The following JAK2 variants were observed in gnomAD, a reference collection of about 807,000 sequenced individuals.
JAK2 encodes Janus kinase 2, also known as tyrosine-protein kinase JAK2.
A neutral mutation model predicts 139.3 loss-of-function variants in JAK2; 86 were observed. The observed-to-expected ratio is 0.62, with a 90% CI of 0.52 to 0.74. The LOEUF is 0.74. Among genes scored for constraint, JAK2 ranks in the 30% least tolerant of loss-of-function variants. The pLI is 0.00. For synonymous variants in JAK2, 490 were observed against 437.7 expected (o/e 1.12, Z -1.49); for missense variants, 1,421 against 1,360.3 (o/e 1.04, Z -0.70).
At chr9:5,030,088 G>A (rs950121677) in intron 4 of JAK2, among the ~76,000 whole-genome samples, 182 bp downstream of exon 4, 6 of 152,122 alleles carry the variant, frequency 3.9e-5, no homozygotes, top group African/African-American at 1.2e-4. Context: ...TATACATGTT[G>A]TGTAAGTAGA....
chr9:5,069,908 G>A lies in JAK2; in HGVS notation c.1514-17G>A, dbSNP rs372305906. On this transcript the variant is annotated splice_polypyrimidine_tract_variant and intron_variant, in intron 11 of 24. Coordinates refer to ENST00000381652, the MANE Select transcript of JAK2 (RefSeq NM_004972.4). ...CAGTGTATTTTGAAGTGATATATATGTATTTTATTTTTTCAGATAAATCAA... is the reference window on the plus strand; with the variant it reads ...CAGTGTATTTTGAAGTGATATATATATATTTTATTTTTTCAGATAAATCAA... 18 of 1,536,666 alleles carry A rather than the reference G, an allele frequency of 1.2e-5. No homozygotes were observed. In the South Asian group the frequency reaches 1.2e-4, roughly 10 times the overall value.
At chr9:5,070,409 C>G (rs564145635) in intron 12 of JAK2, among the ~76,000 whole-genome samples, 23 of 152,032 alleles carry the variant, frequency 1.5e-4, no homozygotes, top group African/African-American at 4.8e-4. Context: ...AGAAAAAAAT[C>G]CAGCCATCTC....
At position 5,100,272 on chromosome 9, in the gene JAK2, C is replaced by T. The variant is rs373456665; in HGVS notation, c.3059+9361C>T. 5 of 152,290 alleles carry T rather than the reference C, an allele frequency of 3.3e-5. No individual in the cohort carries two copies. In the South Asian group the frequency reaches 1.0e-3, roughly 32 times the overall value. The allele number at this position is 152,290 out of a possible 1,614,324, so 9.4% of individuals were successfully genotyped here. A position where few individuals can be genotyped will look rare whatever the true frequency, so the allele number is the denominator to read the frequency against. On this transcript the variant is annotated intron_variant, in intron 22 of 24. Coordinates refer to ENST00000381652, the MANE Select transcript of JAK2 (RefSeq NM_004972.4). ...AACACATGCTTGCCATATAGTCAAACCCAGCCCCTGACCACTAACAGAAGC... is the reference window on the plus strand; with the variant it reads ...AACACATGCTTGCCATATAGTCAAATCCAGCCCCTGACCACTAACAGAAGC...
In JAK2 at chr9:5,069,159, A is replaced by C. The variant is rs1437693516; in HGVS notation, c.1464A>C (p.Ser488=). 6.2e-7 allele frequency: 1 copy of C among 1,611,930 alleles called. No individual in the cohort carries two copies. The highest frequency in any genetic ancestry group is 1.1e-5 in the South Asian group (1 of 90,472). ...LNCYQMETVR[S]DNIIFQFTKC... is the part of the protein sequence containing the mutation. Reference sequence around the variant, plus strand: ...GTTACCAGATGGAAACTGTTCGCTCAGACAATATAATTTTCCAGTTTACTA... The same window carrying C: ...GTTACCAGATGGAAACTGTTCGCTCCGACAATATAATTTTCCAGTTTACTA... Residue 488 remains serine (S), a synonymous_variant, in exon 11 of 25, where the codon TCA becomes TCC. Transcript: ENST00000381652.
intron 4 of JAK2, among the ~76,000 whole-genome samples, chr9:5,037,468 CAAT>C (rs1414617043): frequency 2.0e-5 from 3 of 152,300 alleles, no homozygotes; most frequent in Admixed American, 6.5e-5. Context: ...AGATGTCCAA[CAAT>C]GATAGACTGG....
chr9:5,075,547 G>A (rs989280418), intron 14 of JAK2, among the ~76,000 whole-genome samples: 20 of 152,320 alleles, frequency 1.3e-4, no homozygotes, highest in African/African-American at 4.6e-4. Flanking sequence ...AAGCCTAGAT[G>A]ACAGCACATC....
At chr9:5,006,871 T>A (rs765465713) in intron 2 of JAK2, among the ~76,000 whole-genome samples, 1 of 152,236 alleles carries the variant, frequency 6.6e-6, no homozygotes, top group African/African-American at 2.4e-5. Context: ...CTTCTTGTGC[T>A]AGTTTAGGTA....
intron 5 of JAK2, among the ~76,000 whole-genome samples, chr9:5,045,663 A>G (rs1331891064): frequency 2.6e-5 from 4 of 152,208 alleles, no homozygotes; most frequent in East Asian, 1.9e-4. Context: ...ATGGAGTTAT[A>G]TAGCATTTGT....
At chr9:5,089,308 T>C (rs1820376053) in intron 19 of JAK2, among the ~76,000 whole-genome samples, 1 of 151,686 alleles carries the variant, frequency 6.6e-6, no homozygotes, top group Admixed American at 6.6e-5. Context: ...GGAGGCCGAG[T>C]TGGGTGGATC....
intron 22 of JAK2, among the ~76,000 whole-genome samples, chr9:5,119,140 G>T (rs932141443): frequency 3.3e-5 from 5 of 152,112 alleles, no homozygotes; most frequent in African/African-American, 1.2e-4. Flanking sequence ...TAGATTTTGT[G>T]AAGAATGTCC....
intron 11 of JAK2, 93 bp from the exon 12 acceptor site, chr9:5,069,832 T>C: frequency 1.5e-6 from 1 of 682,358 alleles, no homozygotes; most frequent in Non-Finnish European, 2.2e-6. Flanking sequence ...AAGCATTTCT[T>C]ATACGTAGAA....
intron 22 of JAK2, among the ~76,000 whole-genome samples, chr9:5,093,224 A>G (rs558991618): frequency 2.4e-4 from 37 of 152,336 alleles, no homozygotes; most frequent in Admixed American, 1.1e-3. Flanking sequence ...CAACACAGGC[A>G]TGCTCTAAGG....
chr9:5,098,378 C>T (rs1276095568), intron 22 of JAK2: 1 of 152,178 alleles, frequency 6.6e-6, no homozygotes, highest in African/African-American at 2.4e-5. Flanking sequence ...CAAGACGCTA[C>T]ATCCCCTATC....
chr9:5,115,218 G>GA (rs1488722670), intron 22 of JAK2, among the ~76,000 whole-genome samples: 13 of 151,870 alleles, frequency 8.6e-5, no homozygotes, highest in African/African-American at 2.7e-4. Flanking sequence ...AAGTTCACAA[G>GA]AAAAAAACAA....
At chr9:5,059,473 T>C (rs1818003339) in intron 8 of JAK2, among the ~76,000 whole-genome samples, 1 of 152,154 alleles carries the variant, frequency 6.6e-6, no homozygotes, top group Non-Finnish European at 1.5e-5. Context: ...TTGATGGACA[T>C]TTGGGTTGCT....
intron 22 of JAK2, among the ~76,000 whole-genome samples, chr9:5,102,287 A>T (rs564687669): frequency 6.6e-6 from 1 of 152,320 alleles, no homozygotes; most frequent in South Asian, 2.1e-4. Flanking sequence ...AAGAAAGGGT[A>T]TCAGTGATTG....
chr9:5,076,189 A>C (rs1304378936), intron 14 of JAK2, among the ~76,000 whole-genome samples: 1 of 152,212 alleles, frequency 6.6e-6, no homozygotes, highest in Non-Finnish European at 1.5e-5. Context: ...GAACATTGTG[A>C]AATGACAACA....
intron 22 of JAK2, among the ~76,000 whole-genome samples, chr9:5,095,591 C>T (rs181699344): frequency 6.6e-6 from 1 of 152,242 alleles, no homozygotes; most frequent in African/African-American, 2.4e-5. Flanking sequence ...CAGGGAACTT[C>T]TCTAATGTCT....
chr9:5,079,864 G>A (rs1468883648), intron 16 of JAK2, among the ~76,000 whole-genome samples: 4 of 152,120 alleles, frequency 2.6e-5, no homozygotes, highest in Admixed American at 2.0e-4. Context: ...ATGGAAAGAG[G>A]TTGAGAAAAT....
Sources: allele counts gnomAD v4.1 joint callset (sites outside exome capture counted in the v4.1 genomes callset), GRCh38; gene constraint gnomAD v4.1.1; transcripts MANE v1.5; gene names NCBI Gene and HGNC (gene_info 2026-07-23, HGNC 2026-07-21).